The following CWC27 variants were observed in gnomAD, a reference collection of about 807,000 sequenced individuals.
CWC27 encodes CWC27 spliceosome associated cyclophilin.
In CWC27, 47 loss-of-function variants were observed where a neutral mutation model predicts 63.6. The ratio of observed to expected loss-of-function variants is 0.74; its 90% confidence interval spans 0.58 to 0.94. CWC27 has a LOEUF of 0.94. Among genes scored for constraint, CWC27 ranks in the 40% least tolerant of loss-of-function variants. The probability of loss-of-function intolerance (pLI) is 0.00; values close to 1 mark genes in which losing one functional copy is unlikely to be tolerated. For synonymous variants in CWC27, 175 were observed against 179.8 expected (o/e 0.97, Z 0.22); for missense variants, 495 against 554.3 (o/e 0.89, Z 1.07).
Position 64,919,897 on chromosome 5 carries a change from C to T in CWC27, c.1042+34351C>T, listed in dbSNP as rs986479656. Among the ~76,000 whole-genome samples, 5 of 152,246 alleles carry T rather than the reference C, an allele frequency of 3.3e-5. No individual in the cohort carries two copies. The East Asian group carries it at 5.8e-4, about 18-fold the overall frequency. ...AATGTGCATTTGTCTTTTTGGTAGA[C>T]ACATTGATTTTCTTTTGGATATTTA... is the stretch of plus-strand genomic sequence containing the variant. On this transcript the variant is annotated intron_variant, in intron 11 of 13. Coordinates refer to ENST00000381070, the MANE Select transcript of CWC27 (RefSeq NM_005869.4).
At chr5:65,009,698 A>C (rs1220449568) in intron 13 of CWC27, among the ~76,000 whole-genome samples, 1 of 152,222 alleles carries the variant, frequency 6.6e-6, no homozygotes. Context: ...GTAAGGACAC[A>C]GTGAGAAGGC....
intron 11 of CWC27, among the ~76,000 whole-genome samples, chr5:64,896,238 A>G (rs1747371408): frequency 6.6e-6 from 1 of 152,334 alleles, no homozygotes; most frequent in South Asian, 2.1e-4. Flanking sequence ...AGTGTCCTTC[A>G]GACAAACAAA....
At chr5:64,996,900 C>T (rs887520455) in intron 13 of CWC27, among the ~76,000 whole-genome samples, 22 of 152,042 alleles carry the variant, frequency 1.4e-4, no homozygotes, top group Non-Finnish European at 2.9e-5. Context: ...AGCTAGGCTA[C>T]TTATTTTTCC....
At chr5:64,898,933 A>C (rs1241650909) in intron 11 of CWC27, among the ~76,000 whole-genome samples, 1 of 152,120 alleles carries the variant, frequency 6.6e-6, no homozygotes, top group Non-Finnish European at 1.5e-5. Flanking sequence ...TTCATCTTTG[A>C]GGAGATGACC....
intron 13 of CWC27, among the ~76,000 whole-genome samples, chr5:65,000,428 G>A (rs890971549): frequency 1.3e-5 from 2 of 151,870 alleles, no homozygotes; most frequent in South Asian, 4.2e-4. Context: ...TGTTTCCCAT[G>A]TGTTCTCTTT....
intron 10 of CWC27, among the ~76,000 whole-genome samples, chr5:64,878,499 A>AAAAAAAAAAAAAAAAAAAC (rs1746852497): frequency 7.1e-6 from 1 of 140,988 alleles, no homozygotes; most frequent in Admixed American, 7.1e-5. Flanking sequence ...AAAAAAAAAA[A>AAAAAAAAAAAAAAAAAAAC]AGCACCTGTT....
intron 11 of CWC27, among the ~76,000 whole-genome samples, chr5:64,923,275 A>G (rs1039929212): frequency 1.3e-5 from 2 of 152,242 alleles, no homozygotes; most frequent in African/African-American, 2.4e-5. Context: ...GCATTCAGAC[A>G]TGGCCAAGAC....
intron 13 of CWC27, among the ~76,000 whole-genome samples, chr5:64,979,175 T>G (rs1274948852): frequency 6.6e-6 from 1 of 152,214 alleles, no homozygotes; most frequent in Non-Finnish European, 1.5e-5. Context: ...AAAAAATCAC[T>G]GGCCAATGAT....
At chr5:64,844,861 G>A (rs1745934176) in intron 10 of CWC27, 2 of 456,378 alleles carry the variant, frequency 4.4e-6, no homozygotes, top group Admixed American at 4.7e-5. Flanking sequence ...ACCCTGATAG[G>A]GAGGTAATCC....
At chr5:64,930,453 G>A (rs1748215159) in intron 11 of CWC27, among the ~76,000 whole-genome samples, 1 of 151,954 alleles carries the variant, frequency 6.6e-6, no homozygotes. Flanking sequence ...TTGAACTATT[G>A]GGTAGAAAAA....
chr5:64,913,611 C>T (rs1361372127), intron 11 of CWC27, among the ~76,000 whole-genome samples: 1 of 151,878 alleles, frequency 6.6e-6, no homozygotes, highest in African/African-American at 2.4e-5. Context: ...ATTCTATCTA[C>T]AGTACCATAA....
At chr5:64,828,180 A>C (rs1043091993) in intron 10 of CWC27, among the ~76,000 whole-genome samples, 1 of 152,082 alleles carries the variant, frequency 6.6e-6, no homozygotes, top group Non-Finnish European at 1.5e-5. Flanking sequence ...TGACATTTTT[A>C]ATTTAAGAAA....
intron 11 of CWC27, among the ~76,000 whole-genome samples, chr5:64,964,033 C>A (rs1748968236): frequency 6.6e-6 from 1 of 152,172 alleles, no homozygotes; most frequent in Non-Finnish European, 1.5e-5. Context: ...TGTAATATGT[C>A]TACATTATAA....
intron 11 of CWC27, among the ~76,000 whole-genome samples, chr5:64,951,361 G>A (rs1195132464): frequency 1.3e-5 from 2 of 151,766 alleles, no homozygotes; most frequent in East Asian, 3.8e-4. Context: ...AAATCAGGTT[G>A]TCTTTTGTTA....
intron 10 of CWC27, among the ~76,000 whole-genome samples, chr5:64,830,821 A>G (rs892985672): frequency 2.6e-5 from 4 of 152,274 alleles, no homozygotes; most frequent in African/African-American, 9.6e-5. Flanking sequence ...CAGACACATG[A>G]ACTCATCCTT....
chr5:64,847,690 A>G (rs1746026353), intron 10 of CWC27, among the ~76,000 whole-genome samples: 1 of 152,176 alleles, frequency 6.6e-6, no homozygotes, highest in Non-Finnish European at 1.5e-5. Context: ...TTCTGACCAC[A>G]ATGATATGAA....
intron 5 of CWC27, 73 bp from the exon 6 acceptor site, chr5:64,786,451 A>G: frequency 2.3e-6 from 2 of 854,852 alleles, no homozygotes; most frequent in South Asian, 3.9e-5. Context: ...TACCACTGGA[A>G]TTACATACGG....
chr5:64,817,072 T>C (rs1745056971), intron 10 of CWC27, among the ~76,000 whole-genome samples: 1 of 152,102 alleles, frequency 6.6e-6, no homozygotes, highest in Admixed American at 6.6e-5. Context: ...CATATCCTTT[T>C]ACTTTCTCAT....
At chr5:64,993,516 T>C (rs894892134) in intron 13 of CWC27, among the ~76,000 whole-genome samples, 1 of 152,132 alleles carries the variant, frequency 6.6e-6, no homozygotes, top group East Asian at 1.9e-4. Context: ...TTTAGCTGAA[T>C]CCAGATTACA....
Sources: gnomAD v4.1 joint callset for allele counts (sites outside exome capture counted in the v4.1 genomes callset) on GRCh38, gnomAD v4.1.1 for gene constraint, MANE v1.5 for transcripts, NCBI Gene and HGNC (gene_info 2026-07-23, HGNC 2026-07-21) for gene names.